The following APBA2 variants were observed in gnomAD, a reference collection of about 807,000 sequenced individuals.
The protein encoded by APBA2 is amyloid-beta A4 precursor protein-binding family A member 2.
APBA2 carries 30 observed loss-of-function variants against 75.0 expected under a neutral mutation model. That is an observed-to-expected ratio of 0.40 (90% confidence interval 0.30 to 0.54). APBA2 has a LOEUF of 0.54. Ranked by LOEUF, APBA2 falls within the 20% of genes least tolerant of loss-of-function variation. APBA2 has a pLI of 0.49. For synonymous variants in APBA2, 444 were observed against 409.6 expected (o/e 1.08, Z -1.01); for missense variants, 801 against 1,016.1 (o/e 0.79, Z 2.88).
chr15:29,040,883 G>C (rs1220755206), intron 3 of APBA2, among the ~76,000 whole-genome samples: 1 of 152,052 alleles, frequency 6.6e-6, no homozygotes, highest in Non-Finnish European at 1.5e-5. Context: ...AAGGGAAAAG[G>C]CAATTAACAA....
intron 3 of APBA2, among the ~76,000 whole-genome samples, chr15:29,053,051 A>G (rs1002715139): frequency 6.6e-6 from 1 of 152,164 alleles, no homozygotes; most frequent in Non-Finnish European, 1.5e-5. Flanking sequence ...TATTAAGGCC[A>G]TAGCCGTGTG....
chr15:28,921,451 G>C (rs1054218354), intron 1 of APBA2, among the ~76,000 whole-genome samples, 189 bp from the exon 2 acceptor site: 7 of 152,184 alleles, frequency 4.6e-5, no homozygotes, highest in Non-Finnish European at 8.8e-5. Flanking sequence ...TGGTTTTTCA[G>C]ATATTCAGCT....
chr15:29,064,623 G>A (rs1186160458), intron 4 of APBA2, among the ~76,000 whole-genome samples: 3 of 152,110 alleles, frequency 2.0e-5, no homozygotes, highest in South Asian at 4.1e-4. Flanking sequence ...AGGTGTGTGG[G>A]TGTCCTCAGC....
intron 2 of APBA2, among the ~76,000 whole-genome samples, chr15:28,941,214 A>T (rs1348814717): frequency 1.3e-5 from 2 of 152,176 alleles, no homozygotes; most frequent in Admixed American, 6.5e-5. Flanking sequence ...TAGAGGATGG[A>T]ACCTCTGTGT....
At chr15:28,987,081 CA>C (rs1189171910) in intron 2 of APBA2, among the ~76,000 whole-genome samples, 2 of 139,794 alleles carry the variant, frequency 1.4e-5, no homozygotes, top group South Asian at 4.5e-4. Flanking sequence ...CTAATAGCAT[CA>C]CTTTGGGCAT....
chr15:28,928,627 C>T (rs1446858112), intron 2 of APBA2, among the ~76,000 whole-genome samples: 1 of 152,200 alleles, frequency 6.6e-6, no homozygotes, highest in African/African-American at 2.4e-5. Context: ...CAGGAATGCC[C>T]TTCCTCCGTG....
intron 2 of APBA2, among the ~76,000 whole-genome samples, chr15:28,930,787 A>C (rs1432582611): frequency 6.6e-6 from 1 of 152,098 alleles, no homozygotes; most frequent in East Asian, 1.9e-4. Context: ...CTTCCCTGCG[A>C]CCTGTGGGAG....
At chr15:29,032,600 T>A (rs555270338) in intron 3 of APBA2, among the ~76,000 whole-genome samples, 1 of 152,374 alleles carries the variant, frequency 6.6e-6, no homozygotes, top group South Asian at 2.1e-4. Context: ...GGTGATCTAT[T>A]TGGCTATCTC....
intron 14 of APBA2, among the ~76,000 whole-genome samples, chr15:29,114,977 G>C (rs1418098835): frequency 6.6e-6 from 1 of 151,556 alleles, no homozygotes; most frequent in African/African-American, 2.4e-5. Context: ...GTGAGGCATG[G>C]GGTGTGAGGA....
chr15:28,942,790 C>A (rs528407764), intron 2 of APBA2, among the ~76,000 whole-genome samples: 1 of 152,316 alleles, frequency 6.6e-6, no homozygotes, highest in South Asian at 2.1e-4. Context: ...GAAGGACATG[C>A]CCAGTTGTGT....
intron 2 of APBA2, among the ~76,000 whole-genome samples, chr15:28,922,068 C>T (rs2034001966): frequency 6.6e-6 from 1 of 152,186 alleles, no homozygotes; most frequent in Non-Finnish European, 1.5e-5. Flanking sequence ...TGCCCCAGGT[C>T]CCTTTTCCCA....
intron 3 of APBA2, among the ~76,000 whole-genome samples, chr15:29,030,245 A>G (rs1031165545): frequency 1.3e-5 from 2 of 152,070 alleles, no homozygotes; most frequent in Non-Finnish European, 2.9e-5. Flanking sequence ...GGATCACGAA[A>G]TCGGGGGATA....
rs527990879 is a variant in APBA2, at chr15:29,014,479, C to A, written c.-41+18673C>A. On this transcript the variant is annotated intron_variant, in intron 3 of 14. Transcript: ENST00000683413. ...CACTGTCCATAGTGGCAGCTACTTGCCATTTAAATTTAATTTAAATGAATT... is the reference window on the plus strand; with the variant it reads ...CACTGTCCATAGTGGCAGCTACTTGACATTTAAATTTAATTTAAATGAATT... 2.9e-4 allele frequency among the ~76,000 whole-genome samples: 44 copies of A among 152,196 alleles called. 1 individual carries two copies. The South Asian group carries it at 8.1e-3, about 28-fold the overall frequency.
Position 28,918,758 on chromosome 15 carries a change from G to T in APBA2, c.-204-2882G>T, listed in dbSNP as rs1354935044. Among the ~76,000 whole-genome samples, 3 of 152,152 alleles carry T rather than the reference G, an allele frequency of 2.0e-5. No homozygotes were observed. The highest frequency in any genetic ancestry group is 7.2e-5 in the African/African-American group (3 of 41,444). On this transcript the variant is annotated intron_variant, in intron 1 of 14. Coordinates refer to ENST00000683413, the MANE Select transcript of APBA2 (RefSeq NM_001353788.2). The surrounding 1 kb of genome is among the most constrained non-coding windows in gnomAD (Gnocchi z 4.2). ...GAGAGCGGGCGACCGGTCGCTTGGC[G>T]TCCTGCTTGGGGTTGTTGCCCACAT...
At chr15:29,039,676 G>A (rs887560625) in intron 3 of APBA2, among the ~76,000 whole-genome samples, 6 of 152,186 alleles carry the variant, frequency 3.9e-5, no homozygotes, top group Admixed American at 3.9e-4. Context: ...TCCTGCCGAT[G>A]ATAATGCTGA....
chr15:28,940,764 T>C (rs2035174011), intron 2 of APBA2, among the ~76,000 whole-genome samples: 1 of 152,140 alleles, frequency 6.6e-6, no homozygotes, highest in South Asian at 2.1e-4. Flanking sequence ...AAATGGTTGA[T>C]ACCGGGTTGG....
chr15:29,068,067 A>C (rs1388230445), intron 4 of APBA2, among the ~76,000 whole-genome samples: 1 of 152,136 alleles, frequency 6.6e-6, no homozygotes, highest in South Asian at 2.1e-4. Flanking sequence ...CGTTACATTC[A>C]TTTTTCAGAT....
intron 2 of APBA2, among the ~76,000 whole-genome samples, chr15:28,994,818 T>C (rs2038424297): frequency 6.6e-6 from 1 of 152,196 alleles, no homozygotes; most frequent in South Asian, 2.1e-4. Context: ...AATGGGGCTC[T>C]TCCCTACGAC....
rs1278024317 is a variant in APBA2, at chr15:29,054,947, C to T, written c.951+112C>T. The T allele has an allele frequency of 6.7e-6, 7 of 1,040,558 alleles. No homozygotes were observed. The highest frequency in any genetic ancestry group is 1.6e-5 in the African/African-American group (1 of 62,246). 64.5% of individuals were successfully genotyped at this position (1,040,558 alleles called of 1,614,324 possible). A position where few individuals can be genotyped will look rare whatever the true frequency, so the allele number is the denominator to read the frequency against. On this transcript the variant is annotated intron_variant, in intron 4 of 14. Coordinates refer to ENST00000683413, the MANE Select transcript of APBA2 (RefSeq NM_001353788.2). The surrounding 1 kb of genome is among the most constrained non-coding windows in gnomAD (Gnocchi z 6.1). ...AGGCGGTGGGGGGTGCTGGGTGCCTCACAGTTCTAATGGTGGCTGAGCTCT... is the reference window on the plus strand; with the variant it reads ...AGGCGGTGGGGGGTGCTGGGTGCCTTACAGTTCTAATGGTGGCTGAGCTCT...
Sources: allele counts gnomAD v4.1 joint callset (sites outside exome capture counted in the v4.1 genomes callset), GRCh38; gene constraint gnomAD v4.1.1; non-coding constraint Gnocchi (gnomAD v3.1); transcripts MANE v1.5; gene names NCBI Gene and HGNC (gene_info 2026-07-23, HGNC 2026-07-21).